The following L3MBTL4 variants were observed in gnomAD, a reference collection of about 807,000 sequenced individuals.
L3MBTL4 encodes the protein L3MBTL histone methyl-lysine binding protein 4, also known as lethal(3)malignant brain tumor-like protein 4.
L3MBTL4 carries 70 observed loss-of-function variants against 84.5 expected under a neutral mutation model. The ratio of observed to expected loss-of-function variants is 0.83; its 90% CI spans 0.68 to 1.01. The LOEUF (loss-of-function observed/expected upper bound fraction) is 1.01. Ranked by LOEUF, L3MBTL4 falls within the 50% of genes least tolerant of loss-of-function variation. L3MBTL4 has a pLI of 0.00. For synonymous variants in L3MBTL4, 274 were observed against 259.8 expected (o/e 1.05, Z -0.52); for missense variants, 715 against 754.8 (o/e 0.95, Z 0.62).
chr18:6,056,908 GTAAT>G (rs1490069879), intron 16 of L3MBTL4, among the ~76,000 whole-genome samples: 2 of 152,054 alleles, frequency 1.3e-5, no homozygotes, highest in Non-Finnish European at 2.9e-5. Context: ...AGACATGAAA[GTAAT>G]TTATAAATGA....
At chr18:6,195,882 T>A (rs1364464759) in intron 12 of L3MBTL4, among the ~76,000 whole-genome samples, 1 of 152,146 alleles carries the variant, frequency 6.6e-6, no homozygotes, top group Non-Finnish European at 1.5e-5. Context: ...ATGTAATATT[T>A]TGGTGGACAC....
At chr18:5,980,169 G>C (rs952875642) in intron 16 of L3MBTL4, among the ~76,000 whole-genome samples, 4 of 152,218 alleles carry the variant, frequency 2.6e-5, no homozygotes, top group African/African-American at 7.2e-5. Context: ...GTTGTGGGGT[G>C]CTCTCAGGGC....
At chr18:6,330,556 GCCTGAATAATCCAGAATATCT>G (rs2051979105) in intron 1 of L3MBTL4, among the ~76,000 whole-genome samples, 1 of 152,162 alleles carries the variant, frequency 6.6e-6, no homozygotes, top group African/African-American at 2.4e-5. Context: ...ACATGGGTCC[GCCTGAATAATCCAGAATATCT>G]CCCTTAAAGT....
chr18:5,956,280 G>A lies in L3MBTL4; in HGVS notation c.1785C>T (p.Phe595=). 1 of 1,614,056 alleles carries A rather than the reference G, an allele frequency of 6.2e-7. No homozygotes were observed. Among genetic ancestry groups the A allele is most frequent in the Non-Finnish European group, 8.5e-7 (1 of 1,179,932 alleles). The part of the protein sequence containing the change: ...ALKIYNSILM[F]RHSQELPEED... ...CTTCAGGGAGTTCCTGGGAATGCCT[G>A]AACATCAGGATAGAGTTGTAAATCT... The change falls in exon 19 of 19, where the codon TTC becomes TTT. Residue 595 remains phenylalanine (F), a synonymous_variant. Coordinates refer to ENST00000317931, the MANE Select transcript of L3MBTL4 (RefSeq NM_001330559.2).
chr18:6,412,706 G>A (rs2056020247), intron 1 of L3MBTL4, among the ~76,000 whole-genome samples: 1 of 151,920 alleles, frequency 6.6e-6, no homozygotes, highest in Non-Finnish European at 1.5e-5. Flanking sequence ...AGTATTTGTT[G>A]AGCATGCACT....
chr18:5,977,617 G>A (rs1330251258), intron 16 of L3MBTL4, among the ~76,000 whole-genome samples: 1 of 152,242 alleles, frequency 6.6e-6, no homozygotes, highest in Admixed American at 6.5e-5. Context: ...CACGACTCTA[G>A]GAAGGAGCTC....
intron 1 of L3MBTL4, among the ~76,000 whole-genome samples, chr18:6,334,035 A>G (rs1568509250): frequency 6.6e-6 from 1 of 152,244 alleles, no homozygotes; most frequent in African/African-American, 2.4e-5. Context: ...CATTCTGTAC[A>G]TTTTGACACA....
chr18:5,968,697 T>A (rs961767787), intron 17 of L3MBTL4, among the ~76,000 whole-genome samples: 2 of 142,068 alleles, frequency 1.4e-5, no homozygotes, highest in African/African-American at 2.6e-5. Context: ...ACCTTGTCTC[T>A]AAATAAAATA....
chr18:6,033,057 T>C (rs1019652525), intron 16 of L3MBTL4, among the ~76,000 whole-genome samples: 19 of 152,220 alleles, frequency 1.2e-4, no homozygotes, highest in Admixed American at 8.5e-4. Flanking sequence ...TTAAGTCCTC[T>C]ATTTCCTTAT....
chr18:6,013,742 T>C (rs1269264017), intron 16 of L3MBTL4, among the ~76,000 whole-genome samples: 4 of 152,260 alleles, frequency 2.6e-5, no homozygotes, highest in African/African-American at 9.6e-5. Flanking sequence ...ACTGTACATA[T>C]GAGGCAGACA....
At chr18:6,200,080 G>A (rs1457217129) in intron 12 of L3MBTL4, among the ~76,000 whole-genome samples, 1 of 152,216 alleles carries the variant, frequency 6.6e-6, no homozygotes, top group African/African-American at 2.4e-5. Flanking sequence ...GAGGGGTTAA[G>A]GGATATATTC....
At position 6,192,373 on chromosome 18, in the gene L3MBTL4, G is replaced by A. The variant is rs541312098; in HGVS notation, c.982-20431C>T. 5.3e-5 allele frequency among the ~76,000 whole-genome samples: 8 copies of A among 152,212 alleles called. No individual in the cohort carries two copies. The South Asian group carries it at 1.7e-3, about 32-fold the overall frequency. On this transcript the variant is annotated intron_variant, in intron 12 of 18. Transcript: ENST00000317931. The stretch of plus-strand genomic sequence containing the variant: ...TGGCAGAGCAGGCAGGAGAGGATGG[G>A]CATGTAGATAAGGGGGTGCTTCATT...
chr18:6,357,958 C>A (rs1295893622), intron 1 of L3MBTL4, among the ~76,000 whole-genome samples: 1 of 152,192 alleles, frequency 6.6e-6, no homozygotes, highest in Non-Finnish European at 1.5e-5. Context: ...AAAACCATCA[C>A]CACTAGAAAA....
At chr18:6,332,986 T>C (rs1003279211) in intron 1 of L3MBTL4, among the ~76,000 whole-genome samples, 4 of 152,164 alleles carry the variant, frequency 2.6e-5, no homozygotes, top group African/African-American at 9.7e-5. Flanking sequence ...TCTAACTCAT[T>C]AACTATACCC....
chr18:6,093,458 G>T lies in L3MBTL4; in HGVS notation c.1270C>A (p.Gln424Lys). ...TCTGATTCCAAATTTGCCTGTGTTT[G>T]TTCTCTCAAACGATCGTGAAGTGTT... ...EATLHDRLRE[Q>K]TQANLESDSS... The change falls in exon 15 of 19, where the codon CAA (glutamine) becomes AAA (lysine). Residue 424 changes from glutamine (Q) to lysine (K), a missense_variant. Gln to Lys is a moderately conservative substitution (Grantham distance 53). Transcript: ENST00000317931. 1 of 1,613,960 alleles carries T rather than the reference G, an allele frequency of 6.2e-7. No individual in the cohort carries two copies. Among genetic ancestry groups the T allele is most frequent in the Non-Finnish European group, 8.5e-7 (1 of 1,179,976 alleles).
intron 17 of L3MBTL4, among the ~76,000 whole-genome samples, chr18:5,967,007 G>A (rs1481351773): frequency 2.6e-5 from 4 of 152,220 alleles, no homozygotes; most frequent in Non-Finnish European, 4.4e-5. Flanking sequence ...CACTTCCTGG[G>A]TGTCTCCTTC....
chr18:6,094,265 G>A (rs1480113806), intron 14 of L3MBTL4, among the ~76,000 whole-genome samples: 1 of 152,194 alleles, frequency 6.6e-6, no homozygotes, highest in East Asian at 1.9e-4. Context: ...TGTCTCCAAA[G>A]AGGCCCCAAA....
At chr18:6,022,587 C>T (rs1193708254) in intron 16 of L3MBTL4, among the ~76,000 whole-genome samples, 1 of 152,194 alleles carries the variant, frequency 6.6e-6, no homozygotes, top group African/African-American at 2.4e-5. Context: ...GCTTCATCAT[C>T]CACCTGTGTG....
rs576148953 is a variant in L3MBTL4 at position 6,173,790 on chromosome 18, G to A, written c.982-1848C>T. Among the ~76,000 whole-genome samples, 5 of 152,060 alleles carry A rather than the reference G, an allele frequency of 3.3e-5. No individual in the cohort carries two copies. In the South Asian group the frequency reaches 1.0e-3, roughly 32 times the overall value. On this transcript the variant is annotated intron_variant, in intron 12 of 18. Transcript: ENST00000317931. ...GCAAGACCCTGTCTCAATAAAGTGGGGGACCAAAAAGTCCATGGGAGGTTA... is the reference window on the plus strand; with the variant it reads ...GCAAGACCCTGTCTCAATAAAGTGGAGGACCAAAAAGTCCATGGGAGGTTA...
Sources: gnomAD v4.1 joint callset for allele counts (sites outside exome capture counted in the v4.1 genomes callset) on GRCh38, gnomAD v4.1.1 for gene constraint, MANE v1.5 for transcripts, NCBI Gene and HGNC (gene_info 2026-07-23, HGNC 2026-07-21) for gene names.